The following SMYD3 variants were observed in gnomAD, a reference collection of about 807,000 sequenced individuals.
SMYD3 encodes SET and MYND domain containing 3.
In SMYD3, 36 loss-of-function variants were observed where a neutral mutation model predicts 57.7. That is an observed-to-expected ratio of 0.62 (90% CI 0.48 to 0.82). The LOEUF is 0.82. Among genes scored for constraint, SMYD3 ranks in the 40% least tolerant of loss-of-function variants. The probability of loss-of-function intolerance (pLI) is 0.00; values close to 1 mark genes in which losing one functional copy is unlikely to be tolerated. For missense variants in SMYD3, 515 were observed against 538.8 expected (o/e 0.96, Z 0.44); for synonymous variants, 211 against 195.0 (o/e 1.08, Z -0.68).
intron 1 of SMYD3, among the ~76,000 whole-genome samples, chr1:246,415,458 A>T (rs140429195): frequency 1.5e-4 from 23 of 152,342 alleles, no homozygotes; most frequent in African/African-American, 5.0e-4. Context: ...TCCCATTATT[A>T]GTCCATGTAC....
At chr1:245,977,381 C>G (rs1015364025) in intron 5 of SMYD3, among the ~76,000 whole-genome samples, 25 of 152,284 alleles carry the variant, frequency 1.6e-4, no homozygotes, top group African/African-American at 5.8e-4. Flanking sequence ...TCCTTAATCA[C>G]AAAACCGAAA....
At chr1:246,362,723 G>T (rs1238930451) in intron 1 of SMYD3, among the ~76,000 whole-genome samples, 1 of 152,326 alleles carries the variant, frequency 6.6e-6, no homozygotes, top group South Asian at 2.1e-4. Flanking sequence ...TCGGCCTCCC[G>T]GAGGTGCAGG....
intron 5 of SMYD3, among the ~76,000 whole-genome samples, chr1:246,020,733 A>G (rs1221967892): frequency 6.6e-6 from 1 of 152,204 alleles, no homozygotes; most frequent in Non-Finnish European, 1.5e-5. Flanking sequence ...CATTTTATAG[A>G]TAAGAAAACT....
chr1:246,261,359 CTTTG>C (rs1346373829), intron 5 of SMYD3, among the ~76,000 whole-genome samples: 3 of 141,764 alleles, frequency 2.1e-5, no homozygotes, highest in East Asian at 4.5e-4. Flanking sequence ...ACCCAGCTCT[CTTTG>C]TTTTTTTTTT....
At chr1:245,973,343 CG>C (rs1333263133) in intron 5 of SMYD3, among the ~76,000 whole-genome samples, 1 of 152,140 alleles carries the variant, frequency 6.6e-6, no homozygotes, top group African/African-American at 2.4e-5. Context: ...GGCATATAAT[CG>C]GGGTGTCCAT....
At chr1:246,414,357 T>C (rs1180945366) in intron 1 of SMYD3, among the ~76,000 whole-genome samples, 1 of 152,180 alleles carries the variant, frequency 6.6e-6, no homozygotes, top group Non-Finnish European at 1.5e-5. Context: ...AAGAACATTA[T>C]CTTGGTAAGT....
In SMYD3 at chr1:245,969,717, G is replaced by T. The variant is rs181340122; in HGVS notation, c.532-39780C>A. 2.0e-5 allele frequency among the ~76,000 whole-genome samples: 3 copies of T among 152,266 alleles called. No individual in the cohort carries two copies. The East Asian group carries it at 5.8e-4, about 29-fold the overall frequency. On this transcript the variant is annotated intron_variant, in intron 5 of 11. Transcript: ENST00000490107. ...ATAAATACCAACAGCATTCCTTCGT[G>T]TTGTTTTGAAATTCAAACTACATTA... is the stretch of plus-strand genomic sequence containing the variant.
At chr1:245,910,218 T>C (rs1392046705) in intron 8 of SMYD3, among the ~76,000 whole-genome samples, 13 of 152,024 alleles carry the variant, frequency 8.6e-5, no homozygotes, top group Non-Finnish European at 4.4e-5. Flanking sequence ...TACAATAAAA[T>C]AGCATAAACA....
intron 10 of SMYD3, among the ~76,000 whole-genome samples, chr1:245,769,810 A>T (rs777658793): frequency 2.0e-4 from 31 of 151,806 alleles, no homozygotes; most frequent in Non-Finnish European, 3.8e-4. Flanking sequence ...CGTTAGTTCC[A>T]GGATCCCCAC....
chr1:246,165,578 G>T (rs898264871), intron 5 of SMYD3, among the ~76,000 whole-genome samples: 2 of 151,588 alleles, frequency 1.3e-5, no homozygotes, highest in Admixed American at 1.3e-4. Flanking sequence ...GTTAAAAGTC[G>T]TCGAAACAAT....
chr1:245,802,366 T>A (rs893190666), intron 10 of SMYD3, among the ~76,000 whole-genome samples: 10 of 152,110 alleles, frequency 6.6e-5, no homozygotes, highest in Admixed American at 2.0e-4. Flanking sequence ...AACGCTGACC[T>A]CCCCCTCTCC....
chr1:245,998,005 G>A (rs941062056), intron 5 of SMYD3, among the ~76,000 whole-genome samples: 24 of 152,158 alleles, frequency 1.6e-4, no homozygotes, highest in African/African-American at 5.8e-4. Context: ...CAATAACACA[G>A]TCTGTAGACA....
chr1:246,417,372 A>T (rs1433247718), intron 1 of SMYD3: 1 of 139,388 alleles, frequency 7.2e-6, no homozygotes, highest in Non-Finnish European at 1.6e-5. Flanking sequence ...ACTGCAAGGC[A>T]GCTGAGCAGA....
chr1:246,271,294 A>T (rs952735158), intron 5 of SMYD3, among the ~76,000 whole-genome samples: 1 of 152,128 alleles, frequency 6.6e-6, no homozygotes, highest in African/African-American at 2.4e-5. Context: ...CAAATTTTTT[A>T]AATTTTCATA....
chr1:246,265,683 T>C (rs1024602550), intron 5 of SMYD3, among the ~76,000 whole-genome samples: 3 of 150,452 alleles, frequency 2.0e-5, no homozygotes, highest in East Asian at 2.0e-4. Context: ...GTCAGAAATA[T>C]TGTGGGATCC....
At chr1:246,006,953 C>G (rs2059184713) in intron 5 of SMYD3, among the ~76,000 whole-genome samples, 1 of 152,192 alleles carries the variant, frequency 6.6e-6, no homozygotes, top group African/African-American at 2.4e-5. Context: ...TGGGCAGGAG[C>G]TGGACTGCTC....
chr1:245,938,597 C>T (rs1283053915), intron 5 of SMYD3, among the ~76,000 whole-genome samples: 1 of 152,188 alleles, frequency 6.6e-6, no homozygotes, highest in Non-Finnish European at 1.5e-5. Flanking sequence ...ATTCCAACTC[C>T]TACACTGTTC....
intron 1 of SMYD3, among the ~76,000 whole-genome samples, chr1:246,492,087 A>T (rs565175274): frequency 2.7e-4 from 41 of 152,356 alleles, no homozygotes; most frequent in African/African-American, 7.2e-4. Flanking sequence ...CAAGAGAAAA[A>T]GTTGAGACTC....
intron 1 of SMYD3, among the ~76,000 whole-genome samples, chr1:246,363,452 G>A (rs2066041866): frequency 6.6e-6 from 1 of 152,228 alleles, no homozygotes; most frequent in South Asian, 2.1e-4. Flanking sequence ...GGGCCATGAT[G>A]ACAATGGCGG....
Sources: gnomAD v4.1 joint callset for allele counts (sites outside exome capture counted in the v4.1 genomes callset) on GRCh38, gnomAD v4.1.1 for gene constraint, MANE v1.5 for transcripts, NCBI Gene and HGNC (gene_info 2026-07-23, HGNC 2026-07-21) for gene names.